The following MRPS27 variants were observed in gnomAD, a reference collection of about 807,000 sequenced individuals.
MRPS27 encodes the protein small ribosomal subunit protein mS27.
MRPS27 carries 43 observed loss-of-function variants against 48.9 expected under a neutral mutation model. The ratio of observed to expected loss-of-function variants is 0.88; its 90% CI spans 0.69 to 1.13. The LOEUF is 1.13. Ranked by LOEUF, MRPS27 falls within the 50% of genes most tolerant of loss-of-function variation. The pLI is 0.00. For synonymous variants in MRPS27, 188 were observed against 171.9 expected (o/e 1.09, Z -0.73); for missense variants, 467 against 476.3 (o/e 0.98, Z 0.18).
At chr5:72,271,655 T>C (rs1192040707) in intron 4 of MRPS27, among the ~76,000 whole-genome samples, 1 of 152,188 alleles carries the variant, frequency 6.6e-6, no homozygotes, top group Admixed American at 6.5e-5. Flanking sequence ...CTGACAAAAT[T>C]TGAATATGGA....
In MRPS27 at chr5:72,223,823, C is replaced by A. The variant is rs747255768; in HGVS notation, c.865G>T (p.Ala289Ser). Residue 289 changes from alanine (A) to serine (S), a missense_variant, in exon 10 of 11, where the codon GCT (alanine) becomes TCT (serine). Transcript: ENST00000261413. ...GAAGCCCCATCAGCTGAAGTCAGAGCCTTCAGCACTGCACCCAGCACATCG... is the reference window on the plus strand; with the variant it reads ...GAAGCCCCATCAGCTGAAGTCAGAGACTTCAGCACTGCACCCAGCACATCG... ...ALDVLGAVLK[A>S]LTSADGASEE... 1 of 1,613,908 alleles carries A rather than the reference C, an allele frequency of 6.2e-7. No homozygotes were observed. The highest frequency in any genetic ancestry group is 1.1e-5 in the South Asian group (1 of 91,076).
At chr5:72,301,305 A>G (rs571280264) in intron 2 of MRPS27, among the ~76,000 whole-genome samples, 24 of 152,308 alleles carry the variant, frequency 1.6e-4, no homozygotes, top group South Asian at 1.0e-3. Context: ...TAAAAACAAA[A>G]AAGTCCTTAA....
rs568443875 is a variant in MRPS27, at chr5:72,282,778, A to G, written c.281+12753T>C. On this transcript the variant is annotated intron_variant, in intron 4 of 10. Transcript: ENST00000261413. ...GAGGATAAATAAGAGTGGATACCCA[A>G]CTTCTCATACCACAAAATTTACTAA... Among the ~76,000 whole-genome samples, 5 of 152,318 alleles carry G rather than the reference A, an allele frequency of 3.3e-5. No individual in the cohort carries two copies. In the South Asian group the frequency reaches 1.0e-3, roughly 32 times the overall value.
intron 4 of MRPS27, among the ~76,000 whole-genome samples, chr5:72,270,436 A>G (rs1749208675): frequency 6.6e-6 from 1 of 151,832 alleles, no homozygotes; most frequent in Non-Finnish European, 1.5e-5. Context: ...TTTATGAATT[A>G]GTTGAGTTAA....
rs184733580 is a variant in MRPS27 at position 72,315,481 on chromosome 5, C to T, written c.74-1323G>A. Among the ~76,000 whole-genome samples the T allele has an allele frequency of 3.8e-4, 57 of 149,514 alleles. No individual in the cohort carries two copies. In the East Asian group the frequency reaches 8.6e-3, roughly 23 times the overall value. ...CTGAGGTGGGAGAATCGACTGAGCC[C>T]GGGAGGCAGAGGTTGCAGTAAGTCA... On this transcript the variant is annotated intron_variant, in intron 1 of 10. Coordinates refer to ENST00000261413, the MANE Select transcript of MRPS27 (RefSeq NM_015084.3).
At chr5:72,232,420 C>T (rs1389156396) in intron 7 of MRPS27, 23 bp downstream of exon 7, 1 of 1,568,912 alleles carries the variant, frequency 6.4e-7, no homozygotes, top group East Asian at 2.3e-5. Flanking sequence ...GTTCTTAATA[C>T]TGCTTTAGGG....
intron 4 of MRPS27, among the ~76,000 whole-genome samples, chr5:72,272,096 C>A (rs1406966789): frequency 6.6e-6 from 1 of 152,158 alleles, no homozygotes; most frequent in African/African-American, 2.4e-5. Flanking sequence ...CCATCTCCTG[C>A]CACATTTTAA....
intron 4 of MRPS27, among the ~76,000 whole-genome samples, chr5:72,240,463 C>T (rs1219586270): frequency 6.6e-6 from 1 of 152,042 alleles, no homozygotes; most frequent in Non-Finnish European, 1.5e-5. Context: ...ATATCAAATG[C>T]CAATTACTAC....
intron 4 of MRPS27, among the ~76,000 whole-genome samples, chr5:72,278,840 G>A (rs1749456984): frequency 6.6e-6 from 1 of 151,978 alleles, no homozygotes; most frequent in South Asian, 2.1e-4. Context: ...CTTTCTCACT[G>A]TTGTATGGTA....
chr5:72,275,823 AT>A (rs978379991), intron 4 of MRPS27, among the ~76,000 whole-genome samples: 64 of 147,868 alleles, frequency 4.3e-4, no homozygotes, highest in Non-Finnish European at 6.6e-4. Flanking sequence ...TAAACATTTG[AT>A]TTTTTTTTTT....
In MRPS27 at chr5:72,308,822, G is replaced by A. The variant is rs1031559645; in HGVS notation, c.151+5259C>T. On this transcript the variant is annotated intron_variant, in intron 2 of 10. Transcript: ENST00000261413. ...GCTTTCTTTGTTCCAAGCAGTGTGAGTTCCAAAACATTATTTCACCTCACA... is the reference window on the plus strand; with the variant it reads ...GCTTTCTTTGTTCCAAGCAGTGTGAATTCCAAAACATTATTTCACCTCACA... Among the ~76,000 whole-genome samples, 3 of 152,366 alleles carry A rather than the reference G, an allele frequency of 2.0e-5. No individual in the cohort carries two copies. The East Asian group carries it at 5.8e-4, about 29-fold the overall frequency.
chr5:72,243,432 C>A (rs1179045846), intron 4 of MRPS27, among the ~76,000 whole-genome samples: 1 of 152,038 alleles, frequency 6.6e-6, no homozygotes, highest in Non-Finnish European at 1.5e-5. Flanking sequence ...CAAATAAAAT[C>A]AAATTTTGAT....
chr5:72,266,978 A>G (rs1749121292), intron 4 of MRPS27, among the ~76,000 whole-genome samples: 2 of 152,184 alleles, frequency 1.3e-5, no homozygotes, highest in South Asian at 4.1e-4. Flanking sequence ...TCCCAAAGTG[A>G]GGCTCAGGGC....
rs773104843 is a variant in MRPS27 at position 72,226,058 on chromosome 5, G to A, written c.836C>T (p.Ala279Val). ...SPEDIKLCRE[A>V]LDVLGAVLKA... ...CTGCCTTAGAGCTGAAGAACATACC[G>A]CTTCTCTACACAGCTTTATGTCTTC... The change falls in exon 9 of 11, where the codon GCG (alanine) becomes GTG (valine). Residue 279 changes from alanine to valine, a missense_variant and splice_region_variant. Coordinates refer to ENST00000261413, the MANE Select transcript of MRPS27 (RefSeq NM_015084.3). 9 of 1,611,102 alleles carry A rather than the reference G, an allele frequency of 5.6e-6. No homozygotes were observed. The highest frequency in any genetic ancestry group is 1.7e-4 in the Middle Eastern group (1 of 6,048).
chr5:72,233,433 C>T (rs961537790), intron 6 of MRPS27, among the ~76,000 whole-genome samples: 2 of 152,048 alleles, frequency 1.3e-5, no homozygotes, highest in African/African-American at 4.8e-5. Flanking sequence ...AATATAGTGC[C>T]TGTTCATATC....
intron 4 of MRPS27, among the ~76,000 whole-genome samples, chr5:72,276,900 G>A (rs1231230803): frequency 6.6e-6 from 1 of 151,976 alleles, no homozygotes. Flanking sequence ...GCGTGGTGAC[G>A]GGCACCTGTA....
chr5:72,258,969 C>T (rs1253868820), intron 4 of MRPS27, among the ~76,000 whole-genome samples: 1 of 152,194 alleles, frequency 6.6e-6, no homozygotes. Flanking sequence ...CTCCCATAGG[C>T]TCTCTGAATA....
At chr5:72,312,474 T>G (rs927777800) in intron 2 of MRPS27, among the ~76,000 whole-genome samples, 1 of 152,230 alleles carries the variant, frequency 6.6e-6, no homozygotes, top group African/African-American at 2.4e-5. Context: ...ATGTCTATAA[T>G]TATTCCACAT....
Position 72,289,911 on chromosome 5 carries a change from T to C in MRPS27, c.281+5620A>G, listed in dbSNP as rs147714786. Among the ~76,000 whole-genome samples, 416 of 152,302 alleles carry C rather than the reference T, an allele frequency of 2.7e-3. 2 individuals are homozygous for C. Among genetic ancestry groups the C allele is most frequent in the African/African-American group, 8.1e-3 (338 of 41,558 alleles). On this transcript the variant is annotated intron_variant, in intron 4 of 10. Transcript: ENST00000261413. ...ATGGTCCCAACATGATTCGAAGGCC[T>C]ATGTAAGCCTTTAAAAATGCAATTT...
Sources: allele counts gnomAD v4.1 joint callset (sites outside exome capture counted in the v4.1 genomes callset), GRCh38; gene constraint gnomAD v4.1.1; transcripts MANE v1.5; gene names NCBI Gene and HGNC (gene_info 2026-07-23, HGNC 2026-07-21).